ARB2A: variants seen among roughly 807,000 people sequenced by gnomAD.
The protein encoded by ARB2A is cotranscriptional regulator ARB2A.
At chr5:93,881,316 T>C in the ARB2A span, 1 of 549,254 alleles carries the variant, frequency 1.8e-6, no homozygotes, top group Non-Finnish European at 3.1e-6. Context: ...AATTCTGAAT[T>C]TAAAAACCCA....
chr5:94,098,740 T>C, the ARB2A span, among the ~76,000 whole-genome samples: 3 of 152,084 alleles, frequency 2.0e-5, no homozygotes, highest in East Asian at 3.9e-4. Context: ...GCTAGGCTAA[T>C]TAAGAAGAAA....
chr5:93,651,982 A>C, the ARB2A span, among the ~76,000 whole-genome samples: 1 of 152,192 alleles, frequency 6.6e-6, no homozygotes, highest in African/African-American at 2.4e-5. Context: ...ATAAAATATC[A>C]AAAAATTTAA....
chr5:93,785,186 A>G, the ARB2A span, among the ~76,000 whole-genome samples: 1 of 152,188 alleles, frequency 6.6e-6, no homozygotes. Context: ...TGAATTCATC[A>G]GTGGTCTGCC....
the ARB2A span, among the ~76,000 whole-genome samples, chr5:94,018,093 A>T: frequency 3.3e-5 from 5 of 152,112 alleles, no homozygotes; most frequent in Admixed American, 2.0e-4. Flanking sequence ...CTGTAAGTCC[A>T]ATTAAACATA....
At chr5:93,892,677 A>G in the ARB2A span, among the ~76,000 whole-genome samples, 1 of 152,162 alleles carries the variant, frequency 6.6e-6, no homozygotes, top group Non-Finnish European at 1.5e-5. Flanking sequence ...TGAATTTCCT[A>G]TTTGAAATAG....
At chr5:93,891,205 G>T in the ARB2A span, among the ~76,000 whole-genome samples, 2 of 151,946 alleles carry the variant, frequency 1.3e-5, no homozygotes, top group Non-Finnish European at 2.9e-5. Context: ...TCTTTGTTTA[G>T]CCTTCATTCC....
the ARB2A span, among the ~76,000 whole-genome samples, chr5:93,836,860 G>C: frequency 2.0e-5 from 3 of 152,120 alleles, no homozygotes; most frequent in East Asian, 5.8e-4. Context: ...AATTTCACAA[G>C]ATTCAACTTT....
the ARB2A span, among the ~76,000 whole-genome samples, chr5:93,763,234 T>A: frequency 6.6e-6 from 1 of 152,048 alleles, no homozygotes; most frequent in Non-Finnish European, 1.5e-5. Context: ...ATGCTCCAAT[T>A]AAAAGACACA....
chr5:93,639,114 C>T, the ARB2A span, among the ~76,000 whole-genome samples: 9 of 152,232 alleles, frequency 5.9e-5, no homozygotes, highest in South Asian at 2.1e-4. Flanking sequence ...TTATGAACAA[C>T]GTAAAACTGG....
the ARB2A span, among the ~76,000 whole-genome samples, chr5:93,869,205 C>T: frequency 6.6e-6 from 1 of 152,096 alleles, no homozygotes; most frequent in African/African-American, 2.4e-5. Context: ...TGACAAGGGC[C>T]CCAGCAATGG....
the ARB2A span, among the ~76,000 whole-genome samples, chr5:93,673,478 G>A: frequency 1.3e-5 from 2 of 152,042 alleles, no homozygotes; most frequent in Non-Finnish European, 2.9e-5. Context: ...TTGGAGGAAG[G>A]AAAGAAAAGT....
At chr5:93,732,502 T>C in the ARB2A span, among the ~76,000 whole-genome samples, 1 of 152,058 alleles carries the variant, frequency 6.6e-6, no homozygotes, top group Non-Finnish European at 1.5e-5. Context: ...TAAATTACCA[T>C]GTTGTGCAGA....
At chr5:93,750,761 A>G in the ARB2A span, among the ~76,000 whole-genome samples, 2 of 152,162 alleles carry the variant, frequency 1.3e-5, no homozygotes, top group Non-Finnish European at 2.9e-5. Flanking sequence ...TCCTGGCCTC[A>G]AGCTATCCCC....
the ARB2A span, among the ~76,000 whole-genome samples, chr5:93,936,177 A>C: frequency 6.6e-6 from 1 of 151,912 alleles, no homozygotes; most frequent in African/African-American, 2.4e-5. Flanking sequence ...CAAGATGAAA[A>C]CTCATTTTGT....
At chr5:94,014,980 A>C in the ARB2A span, among the ~76,000 whole-genome samples, 5 of 151,650 alleles carry the variant, frequency 3.3e-5, no homozygotes, top group African/African-American at 1.2e-4. Flanking sequence ...AAGTTTACTC[A>C]AAGAAATAGT....
the ARB2A span, among the ~76,000 whole-genome samples, chr5:93,892,160 A>G: frequency 1.3e-5 from 2 of 152,324 alleles, no homozygotes; most frequent in Admixed American, 1.3e-4. Flanking sequence ...ATCTGCTTTT[A>G]TGCACAAGGA....
chr5:93,712,887 C>T, the ARB2A span, among the ~76,000 whole-genome samples: 167 of 152,038 alleles, frequency 1.1e-3, 4 homozygotes, highest in East Asian at 0.03. Context: ...AATAGAGAAC[C>T]CAGAAATAAA....
chr5:93,925,391 A>G, the ARB2A span, among the ~76,000 whole-genome samples: 2 of 152,204 alleles, frequency 1.3e-5, no homozygotes, highest in African/African-American at 2.4e-5. Context: ...TAAACAAAAC[A>G]TGTCAGAATG....
the ARB2A span, among the ~76,000 whole-genome samples, chr5:94,018,726 A>T: frequency 6.6e-6 from 1 of 151,928 alleles, no homozygotes. Context: ...GCAACTGTGA[A>T]TGGGAGTAGT....
Sources: gnomAD v4.1 joint callset for allele counts (sites outside exome capture counted in the v4.1 genomes callset) on GRCh38, gnomAD v4.1.1 for gene constraint, MANE v1.5 for transcripts, NCBI Gene and HGNC (gene_info 2026-07-23, HGNC 2026-07-21) for gene names.